Variants in WDFY3 observed in about 807,000 individuals in gnomAD.
The protein encoded by WDFY3 is WD repeat and FYVE domain-containing protein 3.
A neutral mutation model predicts 409.6 loss-of-function variants in WDFY3; 66 were observed. That is an observed-to-expected ratio of 0.16 (90% CI 0.13 to 0.20). WDFY3 has a LOEUF of 0.20. WDFY3 is among the 10% of genes least tolerant of loss of function. The pLI, the probability that WDFY3 is intolerant of heterozygous loss-of-function variation, is 1.00. For missense variants in WDFY3, 3,031 were observed against 4,298.1 expected, an observed-to-expected ratio of 0.71 and a Z score of 8.24; for synonymous variants, 1,521 against 1,537.1, an observed-to-expected ratio of 0.99 and a Z score of 0.25.
chr4:84,733,650 G>A, intron 43 of WDFY3, 41 bp from the exon 44 acceptor site: 1 of 1,553,920 alleles, frequency 6.4e-7, no homozygotes, highest in Non-Finnish European at 8.7e-7. Flanking sequence ...AGCAAAAGCA[G>A]GAGTAACAGT....
At chr4:84,859,014 A>T (rs879816704) in intron 4 of WDFY3, among the ~76,000 whole-genome samples, 9 of 151,996 alleles carry the variant, frequency 5.9e-5, no homozygotes, top group Non-Finnish European at 1.3e-4. Flanking sequence ...AAACAGGGGA[A>T]GGCAGGCAGA....
At chr4:84,844,858 T>C (rs1757868821) in intron 5 of WDFY3, among the ~76,000 whole-genome samples, 3 of 152,182 alleles carry the variant, frequency 2.0e-5, no homozygotes, top group Admixed American at 2.0e-4. Flanking sequence ...ATTATGTTTT[T>C]GTCAAATTAA....
chr4:84,766,893 G>A (rs751881325), intron 30 of WDFY3, among the ~76,000 whole-genome samples: 1 of 152,186 alleles, frequency 6.6e-6, no homozygotes, highest in Non-Finnish European at 1.5e-5. Context: ...GAGAAGAAAC[G>A]AAGAAATGGA....
intron 47 of WDFY3, among the ~76,000 whole-genome samples, chr4:84,720,687 G>A (rs962632880): frequency 5.9e-5 from 9 of 152,158 alleles, no homozygotes; most frequent in African/African-American, 1.2e-4. Flanking sequence ...ATCAGAAGCC[G>A]AGCAGATGCT....
chr4:84,817,099 G>T (rs1753412081), intron 13 of WDFY3, among the ~76,000 whole-genome samples: 1 of 152,028 alleles, frequency 6.6e-6, no homozygotes, highest in African/African-American at 2.4e-5. Flanking sequence ...TAACTGATCA[G>T]AAAATACATA....
chr4:84,929,045 G>C (rs1258149266), intron 2 of WDFY3, among the ~76,000 whole-genome samples: 1 of 152,056 alleles, frequency 6.6e-6, no homozygotes, highest in Non-Finnish European at 1.5e-5. Flanking sequence ...TGCCACTTTC[G>C]AGACTATATT....
chr4:84,715,702 G>T (rs1306722455), intron 49 of WDFY3, among the ~76,000 whole-genome samples: 1 of 149,992 alleles, frequency 6.7e-6, no homozygotes, highest in Non-Finnish European at 1.5e-5. Context: ...ATGATCCCAG[G>T]AGGCAGGGCT....
intron 1 of WDFY3, among the ~76,000 whole-genome samples, chr4:84,948,563 G>A (rs933763987): frequency 1.3e-5 from 2 of 152,174 alleles, no homozygotes; most frequent in Non-Finnish European, 2.9e-5. Context: ...TGTTTTTGCA[G>A]TTTCGCCCCA....
At position 84,879,422 on chromosome 4, in the gene WDFY3, T is replaced by C. The variant is rs1200142169; in HGVS notation, c.-32+17489A>G. 7 of 152,332 alleles carry C rather than the reference T, an allele frequency of 4.6e-5. No homozygotes were observed. The East Asian group carries it at 1.4e-3, about 29-fold the overall frequency. The allele number at this position is 152,332 out of a possible 1,614,324, so 9.4% of individuals were successfully genotyped here. ...CCAACCCACCTGAATTTCTCTCTGTTCCAGCCACGACTAGCTCTACTTTCA... is the reference window on the plus strand; with the variant it reads ...CCAACCCACCTGAATTTCTCTCTGTCCCAGCCACGACTAGCTCTACTTTCA... On this transcript the variant is annotated intron_variant, in intron 3 of 67. Transcript: ENST00000295888.
At chr4:84,835,893 T>C (rs992700875) in intron 7 of WDFY3, among the ~76,000 whole-genome samples, 7 of 151,942 alleles carry the variant, frequency 4.6e-5, no homozygotes, top group African/African-American at 1.4e-4. Context: ...TTACATATTA[T>C]GTCATTTAAG....
intron 32 of WDFY3, among the ~76,000 whole-genome samples, chr4:84,757,564 A>T (rs1257081226): frequency 1.3e-5 from 2 of 152,236 alleles, no homozygotes; most frequent in East Asian, 3.9e-4. Context: ...TAACTTAAAA[A>T]TATCCTTGTT....
At position 84,715,126 on chromosome 4, in the gene WDFY3, TAA is replaced by T. The variant is rs527503458; in HGVS notation, c.7961+170_7961+171del. On this transcript the variant is annotated intron_variant, in intron 50 of 67. Coordinates refer to ENST00000295888, the MANE Select transcript of WDFY3 (RefSeq NM_014991.6). ...ATGTCACAATAGAATTGCACCATTT[TAA>T]AAGTCAGAAGAATAATTGTTTCAAG... 4.1e-3 allele frequency among the ~76,000 whole-genome samples: 620 copies of T among 152,262 alleles called. 4 individuals are homozygous for T. Among genetic ancestry groups the T allele is most frequent in the African/African-American group, 0.014 (581 of 41,556 alleles).
At chr4:84,937,848 T>C (rs1453746679) in intron 1 of WDFY3, among the ~76,000 whole-genome samples, 1 of 152,148 alleles carries the variant, frequency 6.6e-6, no homozygotes, top group Non-Finnish European at 1.5e-5. Flanking sequence ...TCTCTCCCTA[T>C]ATGCTTTTCC....
Position 84,739,170 on chromosome 4 carries a change from G to T in WDFY3, c.6465-51C>A, listed in dbSNP as rs540313048. On this transcript the variant is annotated intron_variant, in intron 39 of 67. Coordinates refer to ENST00000295888, the MANE Select transcript of WDFY3 (RefSeq NM_014991.6). ...TTTATGAAGGAAATGATTAGCTGAA[G>T]ACTACAGTAACTAAGAATTACTCTA... is the stretch of plus-strand genomic sequence containing the variant. 209 of 1,541,358 alleles carry T rather than the reference G, an allele frequency of 1.4e-4. 4 individuals carry two copies. In the South Asian group the frequency reaches 2.2e-3, roughly 16 times the overall value.
intron 19 of WDFY3, among the ~76,000 whole-genome samples, chr4:84,795,202 TA>T (rs931347180): frequency 6.0e-5 from 9 of 150,682 alleles, no homozygotes; most frequent in Admixed American, 1.3e-4. Context: ...TAACTTAAAA[TA>T]AAAAAAAATG....
chr4:84,695,042 G>A (rs1729859843), intron 58 of WDFY3, among the ~76,000 whole-genome samples: 1 of 152,062 alleles, frequency 6.6e-6, no homozygotes, highest in Admixed American at 6.5e-5. Context: ...ATGAGCCACT[G>A]GTACTTAGTA....
rs1754950805 is a variant in WDFY3 at position 84,826,928 on chromosome 4, T to C, written c.1010A>G (p.Asn337Ser). 1.2e-6 allele frequency: 2 copies of C among 1,610,428 alleles called. No individual in the cohort carries two copies. The highest frequency in any genetic ancestry group is 3.4e-5 in the Admixed American group (2 of 58,830). The change falls in exon 10 of 68, where the codon AAT becomes AGT. Residue 337 changes from asparagine (N) to serine (S), a missense_variant. By Grantham distance (46) the Asn-to-Ser change is conservative. Around this residue, in one of 16 missense-constraint regions of WDFY3, gnomAD observed 1,322 missense variants for 1,697.9 expected, o/e 0.78. Coordinates refer to ENST00000295888, the MANE Select transcript of WDFY3 (RefSeq NM_014991.6). The part of the protein sequence containing the change: ...ESKDALKDLV[N>S]LITSLTTYGV... ...ATATGTTGTTAGGGAAGTTATCAGA[T>C]TAACCAGATCTTTCAAGGCATCTTT...
intron 3 of WDFY3, among the ~76,000 whole-genome samples, chr4:84,868,265 A>G (rs1761706303): frequency 6.6e-6 from 1 of 151,642 alleles, no homozygotes; most frequent in Non-Finnish European, 1.5e-5. Context: ...TCTTTCTGGA[A>G]AATCCTTTAC....
At chr4:84,949,841 T>C (rs999528741) in intron 1 of WDFY3, among the ~76,000 whole-genome samples, 2 of 152,180 alleles carry the variant, frequency 1.3e-5, no homozygotes, top group Non-Finnish European at 2.9e-5. Flanking sequence ...AGGCCCCTTA[T>C]AAGCCAACAG....
Sources: allele counts gnomAD v4.1 joint callset (sites outside exome capture counted in the v4.1 genomes callset), GRCh38; gene constraint gnomAD v4.1.1; regional missense constraint gnomAD v4.1.1; transcripts MANE v1.5; gene names NCBI Gene and HGNC (gene_info 2026-07-23, HGNC 2026-07-21).